MCPH1: variants seen among roughly 807,000 people sequenced by gnomAD.
The protein encoded by MCPH1 is microcephalin 1, also known as microcephalin.
In MCPH1, 104 loss-of-function variants were observed where a neutral mutation model predicts 84.5. The observed-to-expected ratio is 1.23, with a 90% CI of 1.05 to 1.45. MCPH1 has a LOEUF of 1.45. Among genes scored for constraint, MCPH1 ranks in the 40% most tolerant of loss-of-function variants. The pLI is 0.00. For synonymous variants in MCPH1, 514 were observed against 366.8 expected, an observed-to-expected ratio of 1.40 and a Z score of -4.58; for missense variants, 1,498 against 1,005.7, an observed-to-expected ratio of 1.49 and a Z score of -6.62.
chr8:6,520,559 C>G (rs964903299), intron 12 of MCPH1, among the ~76,000 whole-genome samples: 2 of 152,096 alleles, frequency 1.3e-5, no homozygotes, highest in African/African-American at 4.8e-5. Context: ...CCAAGCCCAG[C>G]TAATTTTTGT....
At chr8:6,609,648 G>C (rs117692138) in intron 12 of MCPH1, among the ~76,000 whole-genome samples, 1 of 152,178 alleles carries the variant, frequency 6.6e-6, no homozygotes. Context: ...AAGCTAAGCC[G>C]GGAGCGATTA....
intron 12 of MCPH1, among the ~76,000 whole-genome samples, chr8:6,598,907 G>C (rs1445077133): frequency 6.6e-6 from 1 of 152,256 alleles, no homozygotes; most frequent in East Asian, 1.9e-4. Context: ...TCAGCTCAGC[G>C]TGAAAACACA....
At chr8:6,621,063 G>A (rs935005299) in intron 12 of MCPH1, 2 of 314,348 alleles carry the variant, frequency 6.4e-6, no homozygotes, top group African/African-American at 2.2e-5. Context: ...CAGCACAGCC[G>A]GCATTTGCAG....
At chr8:6,544,685 G>C (rs1415778486) in intron 12 of MCPH1, among the ~76,000 whole-genome samples, 1 of 152,098 alleles carries the variant, frequency 6.6e-6, no homozygotes, top group African/African-American at 2.4e-5. Context: ...TCATTCTAAA[G>C]TAATTTTTAC....
chr8:6,419,188 CG>C lies in MCPH1; in HGVS notation c.233+4306del, dbSNP rs1476305738. ...ACACACACACACACACACACACACA[CG>C]CATTTTTACCCCAAATACTTATTTG... On this transcript the variant is annotated intron_variant, in intron 3 of 13. Transcript: ENST00000344683. Among the ~76,000 whole-genome samples the C allele has an allele frequency of 1.8e-3, 23 of 12,460 alleles. 1 individual carries two copies. In the East Asian group the frequency reaches 0.022, roughly 12 times the overall value. 8.2% of individuals were successfully genotyped at this position (12,460 alleles called of 152,430 possible). A position where few individuals can be genotyped will look rare whatever the true frequency, so the allele number is the denominator to read the frequency against.
At chr8:6,611,582 C>A (rs1221409953) in intron 12 of MCPH1, among the ~76,000 whole-genome samples, 1 of 152,144 alleles carries the variant, frequency 6.6e-6, no homozygotes, top group Non-Finnish European at 1.5e-5. Context: ...AGGGTGTGTT[C>A]AACCCCAAAG....
intron 12 of MCPH1, among the ~76,000 whole-genome samples, chr8:6,536,972 GA>G (rs58686747): frequency 0.025 from 2,595 of 102,240 alleles, 61 homozygotes; most frequent in African/African-American, 0.08. Context: ...CTTAGTACAA[GA>G]AAAAAAAAAA....
At chr8:6,528,729 T>C (rs3824310) in intron 12 of MCPH1, among the ~76,000 whole-genome samples, 37,923 of 152,250 alleles carry the variant, frequency 0.25, 5,339 homozygotes, top group Middle Eastern at 0.39. Flanking sequence ...TGATATCACA[T>C]GCAAATGTCA....
intron 12 of MCPH1, chr8:6,513,914 C>T (rs527288115): frequency 1.2e-5 from 17 of 1,378,018 alleles, no homozygotes; most frequent in East Asian, 7.1e-5. Flanking sequence ...GTGGATAGTC[C>T]GTCAACTTAA....
Position 6,436,036 on chromosome 8 carries a change from C to CTT in MCPH1, c.322-8_322-7dup. 6.2e-7 allele frequency: 1 copy of CTT among 1,612,638 alleles called. No individual in the cohort carries two copies. The highest frequency in any genetic ancestry group is 1.1e-5 in the South Asian group (1 of 90,804). On this transcript the variant is annotated splice_polypyrimidine_tract_variant and intron_variant, in intron 4 of 13. Coordinates refer to ENST00000344683, the MANE Select transcript of MCPH1 (RefSeq NM_024596.5). ...GCAGTACAGCATTAATTTTTGTGTT[C>CTT]TTTTTGCACAGCGTAAATGTATGCA...
intron 12 of MCPH1, among the ~76,000 whole-genome samples, chr8:6,598,049 G>C (rs1000510508): frequency 5.3e-5 from 8 of 152,204 alleles, no homozygotes; most frequent in Non-Finnish European, 1.2e-4. Context: ...CATCAGCTCA[G>C]CGGGCCTTCA....
intron 10 of MCPH1, among the ~76,000 whole-genome samples, chr8:6,479,081 A>G (rs1403118504): frequency 6.6e-6 from 1 of 152,206 alleles, no homozygotes; most frequent in African/African-American, 2.4e-5. Context: ...CCTGGGCAAC[A>G]TAGCAAAACC....
intron 8 of MCPH1, among the ~76,000 whole-genome samples, chr8:6,450,214 A>G (rs1044525052): frequency 6.6e-6 from 1 of 152,092 alleles, no homozygotes; most frequent in African/African-American, 2.4e-5. Context: ...CCTTCTATCT[A>G]CCAGATCTTG....
intron 12 of MCPH1, among the ~76,000 whole-genome samples, chr8:6,549,937 C>T (rs1056820511): frequency 6.6e-6 from 1 of 152,214 alleles, no homozygotes; most frequent in Non-Finnish European, 1.5e-5. Context: ...GGGCTCGAGT[C>T]TGAGCTAGCT....
chr8:6,621,886 C>G (rs1267087159), intron 13 of MCPH1, among the ~76,000 whole-genome samples, 195 bp downstream of exon 13: 1 of 152,060 alleles, frequency 6.6e-6, no homozygotes, highest in African/African-American at 2.4e-5. Context: ...AGCAGACGTA[C>G]AGTTCACGAG....
rs867027672 is a variant in MCPH1 at position 6,419,124 on chromosome 8, C to T, written c.233+4241C>T. Among the ~76,000 whole-genome samples the T allele has an allele frequency of 7.1e-3, 515 of 72,870 alleles. 3 individuals are homozygous for T. The highest frequency in any genetic ancestry group is 0.022 in the African/African-American group (479 of 21,948). 47.8% of individuals were successfully genotyped at this position (72,870 alleles called of 152,430 possible). On this transcript the variant is annotated intron_variant, in intron 3 of 13. Coordinates refer to ENST00000344683, the MANE Select transcript of MCPH1 (RefSeq NM_024596.5). ...ACTTCAACCCTTTTATATTTATATA[C>T]ACATACACACACACACACACACACA... is the stretch of plus-strand genomic sequence containing the variant.
chr8:6,595,990 T>C (rs1828898529), intron 12 of MCPH1, among the ~76,000 whole-genome samples: 2 of 152,200 alleles, frequency 1.3e-5, no homozygotes, highest in Admixed American at 1.3e-4. Flanking sequence ...ATAATATGGG[T>C]CACATGAGAC....
At chr8:6,481,068 T>G (rs1298959041) in intron 11 of MCPH1, among the ~76,000 whole-genome samples, 192 bp downstream of exon 11, 2 of 152,128 alleles carry the variant, frequency 1.3e-5, no homozygotes, top group Admixed American at 6.5e-5. Context: ...CAGGGCCAAG[T>G]TCTGGGGCAA....
chr8:6,628,197 G>A (rs1342769383), intron 13 of MCPH1, among the ~76,000 whole-genome samples: 3 of 152,178 alleles, frequency 2.0e-5, no homozygotes, highest in Middle Eastern at 6.8e-3. Flanking sequence ...AAGGCTGGGC[G>A]CAGTGGCTCA....
Sources: gnomAD v4.1 joint callset for allele counts (sites outside exome capture counted in the v4.1 genomes callset) on GRCh38, gnomAD v4.1.1 for gene constraint, MANE v1.5 for transcripts, NCBI Gene and HGNC (gene_info 2026-07-23, HGNC 2026-07-21) for gene names.